Variants in CDH13 observed in about 807,000 individuals in gnomAD.
The protein encoded by CDH13 is cadherin 13, also known as cadherin-13.
Under a neutral mutation model 63.8 loss-of-function variants are expected in CDH13, and 24 were observed. That is an observed-to-expected ratio of 0.38 (90% CI 0.27 to 0.53). CDH13 has a LOEUF of 0.53. CDH13 is among the 20% of genes least tolerant of loss of function. The probability of loss-of-function intolerance (pLI) is 0.85; values close to 1 mark genes in which losing one functional copy is unlikely to be tolerated. For synonymous variants in CDH13, 503 were observed against 355.3 expected, an observed-to-expected ratio of 1.42 and a Z score of -4.67; for missense variants, 1,049 against 903.1, an observed-to-expected ratio of 1.16 and a Z score of -2.07.
intron 2 of CDH13, among the ~76,000 whole-genome samples, chr16:82,895,748 G>A (rs1187950171): frequency 6.6e-6 from 1 of 151,080 alleles, no homozygotes; most frequent in Non-Finnish European, 1.5e-5. Flanking sequence ...TAAACTGTTA[G>A]ATTAACCATT....
intron 2 of CDH13, among the ~76,000 whole-genome samples, chr16:82,996,819 ATGATAG>A (rs907635981): frequency 8.6e-5 from 13 of 150,360 alleles, no homozygotes; most frequent in African/African-American, 2.9e-4. Flanking sequence ...GGTGGTGATG[ATGATAG>A]TGATGGTGAT....
intron 10 of CDH13, among the ~76,000 whole-genome samples, chr16:83,736,777 C>G (rs1911579119): frequency 6.6e-6 from 1 of 152,148 alleles, no homozygotes; most frequent in African/African-American, 2.4e-5. Flanking sequence ...ATTGCAGGCA[C>G]AAAAAGGTCC....
intron 11 of CDH13, among the ~76,000 whole-genome samples, chr16:83,753,786 A>G (rs943989375): frequency 2.0e-5 from 3 of 152,124 alleles, no homozygotes; most frequent in Admixed American, 2.0e-4. Context: ...TGTAGGATAC[A>G]GTACGGAAGT....
At chr16:83,738,861 G>T (rs1315986821) in intron 10 of CDH13, among the ~76,000 whole-genome samples, 1 of 152,162 alleles carries the variant, frequency 6.6e-6, no homozygotes, top group South Asian at 2.1e-4. Flanking sequence ...AGCCCAGATT[G>T]CACCACTGCA....
intron 2 of CDH13, among the ~76,000 whole-genome samples, chr16:82,962,908 AATTAG>A (rs1567698720): frequency 6.6e-6 from 1 of 152,210 alleles, no homozygotes; most frequent in Non-Finnish European, 1.5e-5. Flanking sequence ...TCTTTAAAAA[AATTAG>A]ATTAGGGAAA....
chr16:82,669,771 C>G (rs193109768), intron 1 of CDH13, among the ~76,000 whole-genome samples: 4 of 152,208 alleles, frequency 2.6e-5, no homozygotes, highest in Non-Finnish European at 5.9e-5. Flanking sequence ...CCAGTTATCA[C>G]CCTCTCCAGT....
intron 8 of CDH13, among the ~76,000 whole-genome samples, chr16:83,633,043 T>C (rs1190554712): frequency 6.6e-6 from 1 of 152,156 alleles, no homozygotes; most frequent in Non-Finnish European, 1.5e-5. Flanking sequence ...TAATGAGCAG[T>C]GAAAATGACC....
chr16:83,793,866 G>T (rs1390627950), intron 13 of CDH13, among the ~76,000 whole-genome samples: 1 of 152,104 alleles, frequency 6.6e-6, no homozygotes, highest in Non-Finnish European at 1.5e-5. Context: ...ATTTTGAGAT[G>T]GGGAGAGTAT....
intron 6 of CDH13, among the ~76,000 whole-genome samples, chr16:83,452,052 C>A (rs1047015675): frequency 1.3e-5 from 2 of 152,072 alleles, no homozygotes; most frequent in Non-Finnish European, 2.9e-5. Flanking sequence ...CCTCATCTGC[C>A]CGGTCAGCCC....
intron 7 of CDH13, among the ~76,000 whole-genome samples, chr16:83,565,977 C>T (rs1904277286): frequency 1.3e-5 from 2 of 152,190 alleles, no homozygotes; most frequent in African/African-American, 4.8e-5. Flanking sequence ...AGCGTTTGCA[C>T]TCCATTGCAT....
chr16:82,985,280 A>G (rs1325535747), intron 2 of CDH13, among the ~76,000 whole-genome samples: 1 of 152,154 alleles, frequency 6.6e-6, no homozygotes, highest in Non-Finnish European at 1.5e-5. Context: ...GGGGAGTTGA[A>G]AGGCATCTCT....
chr16:83,537,537 C>A (rs2075216824), intron 7 of CDH13, among the ~76,000 whole-genome samples: 2 of 151,950 alleles, frequency 1.3e-5, no homozygotes, highest in Admixed American at 6.5e-5. Context: ...GGAAAAGGAA[C>A]CATTTGCTCA....
intron 3 of CDH13, among the ~76,000 whole-genome samples, chr16:83,048,735 G>A (rs1368124279): frequency 6.6e-6 from 1 of 151,836 alleles, no homozygotes; most frequent in African/African-American, 2.4e-5. Flanking sequence ...ACTCTTTTCT[G>A]CCTCTTTCTT....
intron 7 of CDH13, chr16:83,508,234 C>T (rs2074469279): frequency 6.5e-6 from 1 of 153,678 alleles, no homozygotes; most frequent in Admixed American, 6.6e-5. Context: ...CAAATCAGGT[C>T]GGCAGTTTAC....
chr16:83,558,950 G>T (rs1181027535), intron 7 of CDH13, among the ~76,000 whole-genome samples: 1 of 64,466 alleles, frequency 1.6e-5, no homozygotes, highest in Non-Finnish European at 3.6e-5. Context: ...AGAGGTCAGT[G>T]TCCAACACCA....
chr16:82,665,876 T>TG (rs1391736603), intron 1 of CDH13, among the ~76,000 whole-genome samples: 1 of 152,150 alleles, frequency 6.6e-6, no homozygotes. Context: ...AATGAAGTGT[T>TG]GACTGTCTCA....
chr16:83,792,531 C>T (rs938887983), intron 13 of CDH13, among the ~76,000 whole-genome samples: 3 of 152,174 alleles, frequency 2.0e-5, no homozygotes, highest in African/African-American at 7.2e-5. Flanking sequence ...TGTCTAGAGA[C>T]ATTTTGATTA....
intron 7 of CDH13, among the ~76,000 whole-genome samples, chr16:83,590,678 G>A (rs979562078): frequency 2.0e-5 from 3 of 152,162 alleles, no homozygotes; most frequent in African/African-American, 7.2e-5. Flanking sequence ...CATCATAAAT[G>A]GGTGAGTTTT....
At chr16:83,430,079 A>G (rs1452735787) in intron 6 of CDH13, among the ~76,000 whole-genome samples, 1 of 152,196 alleles carries the variant, frequency 6.6e-6, no homozygotes, top group East Asian at 1.9e-4. Context: ...TCCTCAAAAA[A>G]TTAAAAATAG....
Sources: gnomAD v4.1 joint callset for allele counts (sites outside exome capture counted in the v4.1 genomes callset) on GRCh38, gnomAD v4.1.1 for gene constraint, MANE v1.5 for transcripts, NCBI Gene and HGNC (gene_info 2026-07-23, HGNC 2026-07-21) for gene names.